The following RAD51B variants were observed in gnomAD, a reference collection of about 807,000 sequenced individuals.
The protein encoded by RAD51B is RAD51 paralog B.
A neutral mutation model predicts 42.2 loss-of-function variants in RAD51B; 38 were observed. The observed-to-expected ratio is 0.90, with a 90% CI of 0.70 to 1.18. The LOEUF (loss-of-function observed/expected upper bound fraction) is 1.18. Among genes scored for constraint, RAD51B ranks in the 50% most tolerant of loss-of-function variants. The pLI, the probability that RAD51B is intolerant of heterozygous loss-of-function variation, is 0.00. For missense variants in RAD51B, 373 were observed against 400.7 expected (o/e 0.93, Z 0.59); for synonymous variants, 154 against 145.2 (o/e 1.06, Z -0.43).
At chr14:68,678,151 C>A (rs944101665) in intron 11 of RAD51B, among the ~76,000 whole-genome samples, 1 of 152,148 alleles carries the variant, frequency 6.6e-6, no homozygotes, top group Non-Finnish European at 1.5e-5. Context: ...AATGGCGGGG[C>A]CTGGATTTGA....
At chr14:68,443,713 A>T (rs1566887881) in intron 9 of RAD51B, among the ~76,000 whole-genome samples, 1 of 152,120 alleles carries the variant, frequency 6.6e-6, no homozygotes, top group African/African-American at 2.4e-5. Context: ...AATGCAGAAG[A>T]TGGGAATTCT....
chr14:67,955,499 G>A (rs1228208451), intron 7 of RAD51B, among the ~76,000 whole-genome samples: 1 of 152,098 alleles, frequency 6.6e-6, no homozygotes, highest in Non-Finnish European at 1.5e-5. Context: ...TCTAACTCTT[G>A]CTTCTGATTT....
At chr14:68,145,041 A>G (rs767557673) in intron 7 of RAD51B, among the ~76,000 whole-genome samples, 3 of 152,216 alleles carry the variant, frequency 2.0e-5, no homozygotes, top group Non-Finnish European at 2.9e-5. Flanking sequence ...TGCATTGTCT[A>G]CAATTCATAG....
intron 8 of RAD51B, among the ~76,000 whole-genome samples, chr14:68,303,371 C>T (rs1030362384): frequency 2.7e-5 from 4 of 150,430 alleles, no homozygotes; most frequent in Admixed American, 6.6e-5. Context: ...GACAGGTTGA[C>T]GGGTGCAGCA....
At chr14:68,241,044 C>G (rs1302041833) in intron 7 of RAD51B, among the ~76,000 whole-genome samples, 3 of 152,294 alleles carry the variant, frequency 2.0e-5, no homozygotes, top group African/African-American at 7.2e-5. Flanking sequence ...AGCTTTCACC[C>G]CAGATATCTA....
chr14:68,335,845 T>G (rs1266793631), intron 8 of RAD51B, among the ~76,000 whole-genome samples: 1 of 152,108 alleles, frequency 6.6e-6, no homozygotes, highest in Non-Finnish European at 1.5e-5. Context: ...GGGTTTGGTA[T>G]TTTGGAAATA....
chr14:67,931,078 G>A (rs968983836), intron 7 of RAD51B, among the ~76,000 whole-genome samples: 4 of 151,928 alleles, frequency 2.6e-5, no homozygotes, highest in African/African-American at 9.7e-5. Context: ...CTGCCACCAC[G>A]CCTGGCTAAT....
intron 8 of RAD51B, among the ~76,000 whole-genome samples, chr14:68,311,269 C>A (rs892047207): frequency 2.3e-4 from 35 of 151,922 alleles, no homozygotes; most frequent in Non-Finnish European, 2.1e-4. Flanking sequence ...TCATCTCTTG[C>A]AAATAAATAA....
intron 7 of RAD51B, among the ~76,000 whole-genome samples, chr14:67,937,651 T>C (rs545247828): frequency 3.3e-5 from 5 of 152,250 alleles, no homozygotes; most frequent in African/African-American, 4.8e-5. Context: ...CCATTAGGAA[T>C]TGAGCAGGTA....
chr14:68,023,678 A>G (rs1234240882), intron 7 of RAD51B, among the ~76,000 whole-genome samples: 1 of 152,010 alleles, frequency 6.6e-6, no homozygotes, highest in African/African-American at 2.4e-5. Flanking sequence ...TCCTTTGCCC[A>G]TTTTTTAATG....
rs575190073 is a variant in RAD51B, at chr14:67,891,856, G to C, written c.756+4652G>C. On this transcript the variant is annotated intron_variant, in intron 7 of 10. Coordinates refer to ENST00000471583, the MANE Select transcript of RAD51B (RefSeq NM_133510.4). ...ATAACTGGTGAGATAAGAGGAAAAA[G>C]AATGTATGTACCCAAATTCGACATT... Among the ~76,000 whole-genome samples, 28 of 152,190 alleles carry C rather than the reference G, an allele frequency of 1.8e-4. No homozygotes were observed. In the East Asian group the frequency reaches 3.9e-3, roughly 21 times the overall value.
chr14:68,406,784 G>A lies in RAD51B; in HGVS notation c.854-4640G>A, dbSNP rs777195258. On this transcript the variant is annotated intron_variant, in intron 8 of 10. Coordinates refer to ENST00000471583, the MANE Select transcript of RAD51B (RefSeq NM_133510.4). ...CTGAAAATACAAACATTGCATAGCT[G>A]TTCAAAAACATTTTCTTTATATCCT... is the stretch of plus-strand genomic sequence containing the variant. Among the ~76,000 whole-genome samples the A allele has an allele frequency of 1.4e-4, 21 of 152,044 alleles. 1 individual carries two copies. The highest frequency in any genetic ancestry group is 2.6e-4 in the Non-Finnish European group (18 of 68,014).
At position 68,373,125 on chromosome 14, in the gene RAD51B, A is replaced by C. The variant is rs537526487; in HGVS notation, c.854-38299A>C. Among the ~76,000 whole-genome samples the C allele has an allele frequency of 2.6e-5, 4 of 152,374 alleles. No homozygotes were observed. The East Asian group carries it at 7.7e-4, about 29-fold the overall frequency. On this transcript the variant is annotated intron_variant, in intron 8 of 10. Transcript: ENST00000471583. ...CAAGTAAATGAAAATAAGTGCAAGTAGTACTATAGTAATTAAATCAAACTA... is the reference window on the plus strand; with the variant it reads ...CAAGTAAATGAAAATAAGTGCAAGTCGTACTATAGTAATTAAATCAAACTA...
rs372620112 is a variant in RAD51B at position 68,548,891 on chromosome 14, G to T, written c.1037-45594G>T. The stretch of plus-strand genomic sequence containing the variant: ...TCTTTCCTGACCTCCCTCCATGGGG[G>T]GCCATCAGTCCCCAGGGCCTTCTGC... On this transcript the variant is annotated intron_variant, in intron 10 of 10. Transcript: ENST00000487270. Among the ~76,000 whole-genome samples the T allele has an allele frequency of 9.2e-5, 14 of 152,214 alleles. No homozygotes were observed. The East Asian group carries it at 2.3e-3, about 25-fold the overall frequency.
chr14:68,389,765 G>T (rs1306419638), intron 8 of RAD51B, among the ~76,000 whole-genome samples: 2 of 152,150 alleles, frequency 1.3e-5, no homozygotes, highest in Non-Finnish European at 2.9e-5. Context: ...TAATCATTTT[G>T]TCCGATGTAG....
intron 7 of RAD51B, among the ~76,000 whole-genome samples, chr14:67,983,809 G>A (rs1312750658): frequency 1.3e-5 from 2 of 149,550 alleles, no homozygotes; most frequent in Admixed American, 6.6e-5. Flanking sequence ...TGGCAAATAA[G>A]TGGCCTGTGC....
intron 1 of RAD51B, among the ~76,000 whole-genome samples, chr14:67,820,797 C>T (rs2040601134): frequency 6.6e-6 from 1 of 152,032 alleles, no homozygotes; most frequent in African/African-American, 2.4e-5. Flanking sequence ...GTACTATGTG[C>T]CACGCACTCC....
chr14:68,461,629 A>AG (rs960471742), intron 9 of RAD51B, among the ~76,000 whole-genome samples: 1 of 152,136 alleles, frequency 6.6e-6, no homozygotes, highest in African/African-American at 2.4e-5. Context: ...TACCCACCCA[A>AG]GTCCTATTGC....
intron 9 of RAD51B, among the ~76,000 whole-genome samples, chr14:68,418,956 T>C (rs2084628553): frequency 6.6e-6 from 1 of 152,214 alleles, no homozygotes; most frequent in Non-Finnish European, 1.5e-5. Context: ...CCATCTGAGA[T>C]ACAGTCTAGA....
Sources: allele counts gnomAD v4.1 joint callset (sites outside exome capture counted in the v4.1 genomes callset), GRCh38; gene constraint gnomAD v4.1.1; transcripts MANE v1.5; gene names NCBI Gene and HGNC (gene_info 2026-07-23, HGNC 2026-07-21).